Variants in KAZN observed in about 807,000 individuals in gnomAD.
KAZN encodes the protein kazrin, periplakin interacting protein.
Under a neutral mutation model 87.4 loss-of-function variants are expected in KAZN, and 40 were observed. That is an observed-to-expected ratio of 0.46 (90% CI 0.36 to 0.60). The LOEUF is 0.60. Ranked by LOEUF, KAZN falls within the 20% of genes least tolerant of loss-of-function variation. The probability of loss-of-function intolerance (pLI) is 0.00; values close to 1 mark genes in which losing one functional copy is unlikely to be tolerated. For synonymous variants in KAZN, 466 were observed against 458.3 expected (o/e 1.02, Z -0.22); for missense variants, 898 against 1,073.9 (o/e 0.84, Z 2.29).
At chr1:14,965,875 A>C (rs1345884767) in intron 2 of KAZN, among the ~76,000 whole-genome samples, 1 of 152,220 alleles carries the variant, frequency 6.6e-6, no homozygotes, top group East Asian at 1.9e-4. Context: ...TTCAAAATTA[A>C]AACTAGAAAA....
At chr1:14,838,729 C>T (rs531608465) in intron 1 of KAZN, among the ~76,000 whole-genome samples, 1 of 152,300 alleles carries the variant, frequency 6.6e-6, no homozygotes, top group Non-Finnish European at 1.5e-5. Context: ...TCAAGTGATT[C>T]TCATGTCTCA....
At chr1:14,925,786 G>T (rs1422303881) in intron 1 of KAZN, among the ~76,000 whole-genome samples, 9 of 152,134 alleles carry the variant, frequency 5.9e-5, no homozygotes. Context: ...ATGGAATGCC[G>T]CCTCTGGGTG....
At position 14,438,024 on chromosome 1, in the gene KAZN, G is replaced by C. The variant is rs940297340; in HGVS notation, c.250-160959G>C. ...CTCATCCCAGTTTTGCCTCCCTTTT[G>C]GGTTTCCCTTTTCTCTCCTTCTGCC... On this transcript the variant is annotated intron_variant, in intron 2 of 16. Transcript: ENST00000636203. Among the ~76,000 whole-genome samples the C allele has an allele frequency of 2.0e-5, 3 of 151,482 alleles. No homozygotes were observed. In the South Asian group the frequency reaches 6.3e-4, roughly 32 times the overall value.
chr1:14,251,644 T>G (rs953888921), intron 2 of KAZN, among the ~76,000 whole-genome samples: 1 of 47,490 alleles, frequency 2.1e-5, no homozygotes, highest in Non-Finnish European at 3.8e-5. Context: ...TCTCCCGGAC[T>G]TTTTTTTTTT....
At chr1:13,894,900 C>T (rs990391857) in intron 1 of KAZN, among the ~76,000 whole-genome samples, 2 of 152,118 alleles carry the variant, frequency 1.3e-5, no homozygotes, top group Admixed American at 6.6e-5. Flanking sequence ...AGAGGCAGCT[C>T]GTGGAGTGGG....
At chr1:14,005,995 C>T (rs1640021187) in intron 1 of KAZN, among the ~76,000 whole-genome samples, 2 of 152,066 alleles carry the variant, frequency 1.3e-5, no homozygotes. Flanking sequence ...CCATGATTGC[C>T]TCATATAGGG....
At chr1:14,095,226 T>C (rs1466039828) in intron 1 of KAZN, among the ~76,000 whole-genome samples, 1 of 152,204 alleles carries the variant, frequency 6.6e-6, no homozygotes, top group Non-Finnish European at 1.5e-5. Flanking sequence ...TGAGAACCAC[T>C]GGGAGAGCCA....
intron 2 of KAZN, among the ~76,000 whole-genome samples, chr1:14,418,985 A>G (rs1263900768): frequency 2.0e-5 from 3 of 152,232 alleles, no homozygotes; most frequent in Non-Finnish European, 4.4e-5. Flanking sequence ...GAAAACTTCT[A>G]GCCTGCCATT....
intron 1 of KAZN, among the ~76,000 whole-genome samples, chr1:13,989,694 T>C (rs1163537632): frequency 6.6e-6 from 1 of 152,180 alleles, no homozygotes; most frequent in Non-Finnish European, 1.5e-5. Context: ...GCTTACATTC[T>C]ATTTGGGAAG....
At chr1:14,681,222 T>C (rs1490642339) in intron 1 of KAZN, among the ~76,000 whole-genome samples, 1 of 152,162 alleles carries the variant, frequency 6.6e-6, no homozygotes, top group Non-Finnish European at 1.5e-5. Flanking sequence ...TGGGGACAAA[T>C]ACCTACACTA....
At chr1:14,237,382 A>T (rs909218176) in intron 2 of KAZN, among the ~76,000 whole-genome samples, 3 of 152,144 alleles carry the variant, frequency 2.0e-5, no homozygotes, top group Admixed American at 2.0e-4. Context: ...TTAGGAAACA[A>T]ATTGCAAAGA....
chr1:14,048,185 C>T, intron 1 of KAZN, among the ~76,000 whole-genome samples: 1 of 152,166 alleles, frequency 6.6e-6, no homozygotes, highest in Admixed American at 6.5e-5. Context: ...TATTTGCAAA[C>T]CTTTAGCATA....
chr1:14,099,414 A>G (rs1379279016), intron 1 of KAZN, among the ~76,000 whole-genome samples: 1 of 152,048 alleles, frequency 6.6e-6, no homozygotes, highest in East Asian at 1.9e-4. Context: ...TAGAAATGCA[A>G]ATATAGCCTG....
chr1:14,100,968 C>G (rs140697979), intron 1 of KAZN, among the ~76,000 whole-genome samples: 3 of 152,324 alleles, frequency 2.0e-5, no homozygotes, highest in African/African-American at 7.2e-5. Context: ...TGCCTGCTGT[C>G]ATCCATATAA....
chr1:14,929,860 CG>C (rs768716100), intron 1 of KAZN: 109 of 985,316 alleles, frequency 1.1e-4, no homozygotes, highest in Non-Finnish European at 1.3e-4. Context: ...TCCCTTGTGG[CG>C]GCTTCTATGA....
intron 2 of KAZN, among the ~76,000 whole-genome samples, chr1:14,543,020 G>C (rs955649146): frequency 1.3e-5 from 2 of 152,234 alleles, no homozygotes; most frequent in Non-Finnish European, 2.9e-5. Context: ...TACTTGCAGG[G>C]TGTTTTCACA....
intron 1 of KAZN, among the ~76,000 whole-genome samples, chr1:14,644,282 G>A (rs1471029277): frequency 1.3e-5 from 2 of 151,230 alleles, no homozygotes; most frequent in Non-Finnish European, 2.9e-5. Flanking sequence ...AAAATGCTGG[G>A]ATTACAGGCA....
At chr1:14,413,612 A>C (rs1349051540) in intron 2 of KAZN, among the ~76,000 whole-genome samples, 6 of 150,830 alleles carry the variant, frequency 4.0e-5, no homozygotes, top group African/African-American at 7.3e-5. Context: ...AAAAAAAAAA[A>C]AAAAAAACGC....
intron 2 of KAZN, among the ~76,000 whole-genome samples, chr1:14,356,067 T>G (rs952881723): frequency 1.3e-5 from 2 of 152,238 alleles, no homozygotes; most frequent in African/African-American, 4.8e-5. Flanking sequence ...GTGTTCCTAT[T>G]TCTCCACATC....
Sources: allele counts gnomAD v4.1 joint callset (sites outside exome capture counted in the v4.1 genomes callset), GRCh38; gene constraint gnomAD v4.1.1; transcripts MANE v1.5; gene names NCBI Gene and HGNC (gene_info 2026-07-23, HGNC 2026-07-21).